GALNTL6: variants seen among roughly 807,000 people sequenced by gnomAD.
The protein encoded by GALNTL6 is polypeptide N-acetylgalactosaminyltransferase like 6, also known as polypeptide N-acetylgalactosaminyltransferase-like 6.
GALNTL6 carries 46 observed loss-of-function variants against 73.7 expected under a neutral mutation model. That is an observed-to-expected ratio of 0.62 (90% CI 0.49 to 0.80). The LOEUF (loss-of-function observed/expected upper bound fraction) is 0.80, where lower values mean the gene tolerates loss of function less well. Among genes scored for constraint, GALNTL6 ranks in the 30% least tolerant of loss-of-function variants. The pLI is 0.00. For synonymous variants in GALNTL6, 259 were observed against 263.7 expected (o/e 0.98, Z 0.17); for missense variants, 604 against 755.0 (o/e 0.80, Z 2.34).
At chr4:172,665,817 T>C (rs1364997352) in intron 5 of GALNTL6, among the ~76,000 whole-genome samples, 1 of 152,334 alleles carries the variant, frequency 6.6e-6, no homozygotes, top group East Asian at 1.9e-4. Context: ...ATTCTACTAA[T>C]GATTTTTGTT....
chr4:172,139,256 G>A (rs1294873252), intron 2 of GALNTL6, among the ~76,000 whole-genome samples: 1 of 152,104 alleles, frequency 6.6e-6, no homozygotes, highest in African/African-American at 2.4e-5. Context: ...CACTGTTTAT[G>A]CCCTTAAAAA....
chr4:172,148,622 T>A (rs1358766258), intron 2 of GALNTL6, among the ~76,000 whole-genome samples: 4 of 152,218 alleles, frequency 2.6e-5, no homozygotes, highest in African/African-American at 9.6e-5. Flanking sequence ...CTATGCATGT[T>A]ATATCTCACC....
chr4:172,034,847 T>C (rs1741887218), intron 2 of GALNTL6, among the ~76,000 whole-genome samples: 1 of 152,114 alleles, frequency 6.6e-6, no homozygotes, highest in Non-Finnish European at 1.5e-5. Flanking sequence ...ACATGCTTTC[T>C]ACACTAAAGG....
intron 7 of GALNTL6, among the ~76,000 whole-genome samples, chr4:172,849,017 C>G (rs535882121): frequency 6.6e-6 from 1 of 152,216 alleles, no homozygotes; most frequent in South Asian, 2.1e-4. Context: ...GGGAAGCCAC[C>G]ACCAAGAAAT....
At chr4:172,641,456 C>A (rs1739977478) in intron 5 of GALNTL6, among the ~76,000 whole-genome samples, 2 of 152,040 alleles carry the variant, frequency 1.3e-5, no homozygotes, top group South Asian at 4.1e-4. Context: ...AAACTGACCT[C>A]CTCCTATCCT....
chr4:172,544,184 G>C (rs1032741971), intron 5 of GALNTL6, among the ~76,000 whole-genome samples: 2 of 152,132 alleles, frequency 1.3e-5, no homozygotes, highest in Admixed American at 6.5e-5. Flanking sequence ...TCAACAGCCT[G>C]TATCTGTGGA....
chr4:172,176,337 C>CAAAAAAAAAAAAAAAAAAAAAAAAA lies in GALNTL6; in HGVS notation c.139-53300_139-53299insAAAAAAAAAAAAAAAAAAAAAAAAA. The stretch of plus-strand genomic sequence containing the variant: ...CCTGGGCGACAGCGAGACTCCGTCT[C>CAAAAAAAAAAAAAAAAAAAAAAAAA]AAAAAAAAAAAAAAAAAAAGAGTGT... On this transcript the variant is annotated intron_variant, in intron 2 of 12. Transcript: ENST00000506823. Among the ~76,000 whole-genome samples, 12 of 31,366 alleles carry CAAAAAAAAAAAAAAAAAAAAAAAAA rather than the reference C, an allele frequency of 3.8e-4. 4 individuals are homozygous for CAAAAAAAAAAAAAAAAAAAAAAAAA. Among genetic ancestry groups the CAAAAAAAAAAAAAAAAAAAAAAAAA allele is most frequent in the African/African-American group, 5.6e-4 (4 of 7,142 alleles). The allele number at this position is 31,366 out of a possible 152,430, so 20.6% of individuals were successfully genotyped here. A position where few individuals can be genotyped will look rare whatever the true frequency, so the allele number is the denominator to read the frequency against.
At chr4:172,572,104 C>A (rs544111487) in intron 5 of GALNTL6, among the ~76,000 whole-genome samples, 5 of 152,318 alleles carry the variant, frequency 3.3e-5, no homozygotes, top group Non-Finnish European at 5.9e-5. Context: ...TACCTCCTAG[C>A]AAGTCATCAG....
intron 5 of GALNTL6, among the ~76,000 whole-genome samples, chr4:172,460,504 GA>G (rs1732572672): frequency 6.6e-6 from 1 of 152,046 alleles, no homozygotes; most frequent in Non-Finnish European, 1.5e-5. Flanking sequence ...AATCTACAAG[GA>G]ACTTAAACAA....
At chr4:172,615,162 C>T (rs990516431) in intron 5 of GALNTL6, among the ~76,000 whole-genome samples, 8 of 145,876 alleles carry the variant, frequency 5.5e-5, no homozygotes, top group African/African-American at 2.1e-4. Context: ...AGTCCCCAAA[C>T]ACATGCTGTT....
At chr4:172,370,449 C>A (rs1742755106) in intron 5 of GALNTL6, among the ~76,000 whole-genome samples, 1 of 151,588 alleles carries the variant, frequency 6.6e-6, no homozygotes, top group African/African-American at 2.4e-5. Flanking sequence ...CGTGGTGAAA[C>A]CCCATCTCTA....
chr4:172,674,788 T>C (rs1732188405), intron 5 of GALNTL6, among the ~76,000 whole-genome samples: 1 of 152,212 alleles, frequency 6.6e-6, no homozygotes, highest in Non-Finnish European at 1.5e-5. Context: ...GATTGAATTA[T>C]AAAATTGATG....
chr4:172,984,455 CAT>C (rs1751207402), intron 10 of GALNTL6, among the ~76,000 whole-genome samples: 2 of 152,228 alleles, frequency 1.3e-5, no homozygotes, highest in African/African-American at 4.8e-5. Context: ...CTGCCCTTGA[CAT>C]GTGGGGATTA....
At chr4:172,784,681 G>A (rs1463537291) in intron 5 of GALNTL6, among the ~76,000 whole-genome samples, 2 of 152,104 alleles carry the variant, frequency 1.3e-5, no homozygotes, top group Non-Finnish European at 2.9e-5. Flanking sequence ...TCCCTAGGGT[G>A]TTTTAAAATT....
chr4:171,904,337 CATGAAGA>C (rs958209321), intron 2 of GALNTL6, among the ~76,000 whole-genome samples: 13 of 151,802 alleles, frequency 8.6e-5, no homozygotes, highest in African/African-American at 3.2e-4. Flanking sequence ...TCGAGAACTA[CATGAAGA>C]ATGCAGAAGC....
intron 5 of GALNTL6, among the ~76,000 whole-genome samples, chr4:172,744,983 T>A (rs999118743): frequency 6.6e-6 from 1 of 152,026 alleles, no homozygotes; most frequent in African/African-American, 2.4e-5. Flanking sequence ...GATTTTAGTA[T>A]AATAATCAAT....
chr4:172,465,396 G>C (rs1005176577), intron 5 of GALNTL6, among the ~76,000 whole-genome samples: 2 of 151,938 alleles, frequency 1.3e-5, no homozygotes, highest in Non-Finnish European at 2.9e-5. Context: ...AGGATGGTGT[G>C]AACCTGGGAG....
intron 2 of GALNTL6, among the ~76,000 whole-genome samples, chr4:171,923,795 T>G (rs1468781799): frequency 1.4e-5 from 2 of 141,122 alleles, no homozygotes; most frequent in African/African-American, 5.7e-5. Context: ...GCTGTGTGTG[T>G]GTGTGTGTGT....
chr4:172,560,227 C>T (rs1736304631), intron 5 of GALNTL6, among the ~76,000 whole-genome samples: 1 of 151,918 alleles, frequency 6.6e-6, no homozygotes. Context: ...GCTGTAGCTC[C>T]AGCACTTTAG....
Sources: gnomAD v4.1 joint callset for allele counts (sites outside exome capture counted in the v4.1 genomes callset) on GRCh38, gnomAD v4.1.1 for gene constraint, MANE v1.5 for transcripts, NCBI Gene and HGNC (gene_info 2026-07-23, HGNC 2026-07-21) for gene names.